FBXL13: variants seen among roughly 807,000 people sequenced by gnomAD.
FBXL13 encodes F-box and leucine rich repeat protein 13.
FBXL13 carries 67 observed loss-of-function variants against 83.6 expected under a neutral mutation model. That is an observed-to-expected ratio of 0.80 (90% CI 0.66 to 0.98). The LOEUF (loss-of-function observed/expected upper bound fraction) is 0.98, where lower values mean the gene tolerates loss of function less well. FBXL13 is among the 50% of genes least tolerant of loss of function. The pLI is 0.00. For missense variants in FBXL13, 822 were observed against 866.5 expected, an observed-to-expected ratio of 0.95 and a Z score of 0.64; for synonymous variants, 272 against 299.5, an observed-to-expected ratio of 0.91 and a Z score of 0.95.
At chr7:103,000,813 A>T (rs1260613091) in intron 6 of FBXL13, among the ~76,000 whole-genome samples, 3 of 152,202 alleles carry the variant, frequency 2.0e-5, no homozygotes, top group Non-Finnish European at 4.4e-5. Flanking sequence ...CTTCTTACTG[A>T]GTTGCTCCTA....
rs765668960 is a variant in FBXL13, at chr7:102,884,236, G to C, written c.1085C>G (p.Thr362Ser). The change falls in exon 12 of 20, where the codon ACT becomes AGT. Residue 362 changes from threonine (T) to serine (S), a missense_variant. Physicochemically the swap from Thr to Ser is moderately conservative, Grantham distance 58. Transcript: ENST00000313221. Reference sequence around the variant, plus strand: ...TACTTTTACACAGTTGTCCGTCAGAGTTGGCATGTCATTAATGGTAAGATG... The same window carrying C: ...TACTTTTACACAGTTGTCCGTCAGACTTGGCATGTCATTAATGGTAAGATG... The C allele has an allele frequency of 1.9e-6, 3 of 1,613,412 alleles. No homozygotes were observed. The highest frequency in any genetic ancestry group is 1.7e-6 in the Non-Finnish European group (2 of 1,179,562).
intron 8 of FBXL13, among the ~76,000 whole-genome samples, chr7:102,947,368 A>G (rs1822704990): frequency 6.6e-6 from 1 of 152,194 alleles, no homozygotes; most frequent in African/African-American, 2.4e-5. Flanking sequence ...GTTGATTTTC[A>G]TATTCAATTT....
chr7:102,850,392 C>T (rs1417457949), intron 17 of FBXL13, among the ~76,000 whole-genome samples: 1 of 152,086 alleles, frequency 6.6e-6, no homozygotes, highest in East Asian at 1.9e-4. Flanking sequence ...TATGTCATCA[C>T]CATGGTAGGT....
intron 8 of FBXL13, among the ~76,000 whole-genome samples, chr7:102,951,830 A>G (rs1325764375): frequency 6.7e-6 from 1 of 149,364 alleles, no homozygotes; most frequent in East Asian, 2.0e-4. Flanking sequence ...AAAAGATTGG[A>G]GTGGAGATAA....
rs186661932 is a variant in FBXL13 at position 102,816,538 on chromosome 7, G to C, written c.2019-3007C>G. Among the ~76,000 whole-genome samples, 26 of 152,248 alleles carry C rather than the reference G, an allele frequency of 1.7e-4. No homozygotes were observed. In the East Asian group the frequency reaches 4.8e-3, roughly 28 times the overall value. ...CAGGACCTTGCCAAGAGAAGAGATC[G>C]GCAAGTGGCTGCCAGAAGGTTTTTC... On this transcript the variant is annotated intron_variant, in intron 19 of 19. Coordinates refer to ENST00000313221, the Ensembl canonical transcript of FBXL13.
chr7:102,946,006 C>T (rs1471865577), intron 8 of FBXL13, among the ~76,000 whole-genome samples: 2 of 152,066 alleles, frequency 1.3e-5, no homozygotes, highest in African/African-American at 2.4e-5. Flanking sequence ...CTCAACCTCC[C>T]GAGTAGCTGG....
chr7:102,906,382 G>A (rs1183394842), intron 11 of FBXL13, among the ~76,000 whole-genome samples: 1 of 152,160 alleles, frequency 6.6e-6, no homozygotes. Flanking sequence ...CTTAGGATAA[G>A]AGTAGTTTAC....
intron 1 of FBXL13, among the ~76,000 whole-genome samples, chr7:103,073,006 T>A (rs548624804): frequency 3.9e-5 from 6 of 152,182 alleles, no homozygotes; most frequent in Non-Finnish European, 7.3e-5. Flanking sequence ...ACCGGGAAGA[T>A]GGGTACCATT....
chr7:102,969,917 A>T (rs1826433372), intron 6 of FBXL13, among the ~76,000 whole-genome samples: 1 of 152,082 alleles, frequency 6.6e-6, no homozygotes, highest in South Asian at 2.1e-4. Context: ...GAAATCAACC[A>T]TACTGGCAAA....
At chr7:103,066,554 G>C (rs1381244465) in intron 1 of FBXL13, among the ~76,000 whole-genome samples, 1 of 151,968 alleles carries the variant, frequency 6.6e-6, no homozygotes, top group Non-Finnish European at 1.5e-5. Context: ...ATCACGCCCA[G>C]CTAATTTTTT....
intron 17 of FBXL13, among the ~76,000 whole-genome samples, chr7:102,843,750 T>C (rs1165326297): frequency 6.6e-6 from 1 of 152,130 alleles, no homozygotes; most frequent in Admixed American, 6.5e-5. Context: ...CACTCCAGCC[T>C]GGGCGACAGA....
At chr7:103,065,218 T>C (rs972115955) in intron 1 of FBXL13, among the ~76,000 whole-genome samples, 3 of 152,220 alleles carry the variant, frequency 2.0e-5, no homozygotes, top group African/African-American at 7.2e-5. Context: ...GATTTTTAAA[T>C]TTCAAACATT....
intron 2 of FBXL13, among the ~76,000 whole-genome samples, chr7:103,034,062 T>A (rs1794814101): frequency 1.3e-5 from 2 of 152,228 alleles, no homozygotes; most frequent in African/African-American, 4.8e-5. Flanking sequence ...GGGTGCTGAT[T>A]GGTGTGTTTA....
intron 2 of FBXL13, among the ~76,000 whole-genome samples, chr7:103,049,147 A>T (rs995070154): frequency 1.3e-5 from 2 of 152,236 alleles, no homozygotes; most frequent in Admixed American, 1.3e-4. Context: ...ATCCTTTCTT[A>T]TATAAAATCT....
intron 6 of FBXL13, among the ~76,000 whole-genome samples, chr7:102,990,570 A>T (rs1471899386): frequency 6.6e-6 from 1 of 152,212 alleles, no homozygotes; most frequent in Non-Finnish European, 1.5e-5. Flanking sequence ...ATAGTCCAAG[A>T]AGAAAACACA....
intron 17 of FBXL13, among the ~76,000 whole-genome samples, chr7:102,844,648 G>A (rs1803610412): frequency 6.6e-6 from 1 of 152,124 alleles, no homozygotes; most frequent in South Asian, 2.1e-4. Context: ...TACCAGATGT[G>A]TGGGTTTTTC....
At position 103,046,398 on chromosome 7, in the gene FBXL13, A is replaced by G. The variant is rs568437221; in HGVS notation, c.-1+9246T>C. On this transcript the variant is annotated intron_variant, in intron 2 of 19. Transcript: ENST00000313221. ...ATTATTGCCTCTTTTATTCTAAACC[A>G]TGGAAAAAGGACCTAACAAATGATG... 2.6e-5 allele frequency among the ~76,000 whole-genome samples: 4 copies of G among 152,342 alleles called. No homozygotes were observed. The East Asian group carries it at 7.7e-4, about 29-fold the overall frequency.
In FBXL13 at chr7:103,027,448, C is replaced by T; in HGVS notation, c.327+1G>A. On this transcript the variant is annotated splice_donor_variant, in intron 5 of 19. Transcript: ENST00000313221. LOFTEE classifies it high-confidence loss of function. ...TAAAAAATTGTTTCAATATACAATA[C>T]CAGCTCATCTTCTTTCTTTTTACTC... 1 of 1,601,104 alleles carries T rather than the reference C, an allele frequency of 6.2e-7. No individual in the cohort carries two copies. The highest frequency in any genetic ancestry group is 8.5e-7 in the Non-Finnish European group (1 of 1,170,474).
rs1455677702 is a variant in FBXL13 at position 103,007,936 on chromosome 7, G to A, written c.495+17127C>T. Among the ~76,000 whole-genome samples, 5 of 152,112 alleles carry A rather than the reference G, an allele frequency of 3.3e-5. No individual in the cohort carries two copies. The East Asian group carries it at 5.8e-4, about 18-fold the overall frequency. On this transcript the variant is annotated intron_variant, in intron 6 of 19. Coordinates refer to ENST00000313221, the Ensembl canonical transcript of FBXL13. ...GAAGGGTGAGGAGAGTGTCTCCCACGAGGAATGGCCCAGAGTGAAATATCA... is the reference window on the plus strand; with the variant it reads ...GAAGGGTGAGGAGAGTGTCTCCCACAAGGAATGGCCCAGAGTGAAATATCA...
Sources: allele counts gnomAD v4.1 joint callset (sites outside exome capture counted in the v4.1 genomes callset), GRCh38; gene constraint gnomAD v4.1.1; transcripts MANE v1.5; gene names NCBI Gene and HGNC (gene_info 2026-07-23, HGNC 2026-07-21).